The following RABGAP1L variants were observed in gnomAD, a reference collection of about 807,000 sequenced individuals.
RABGAP1L encodes the protein rab GTPase-activating protein 1-like.
RABGAP1L carries 63 observed loss-of-function variants against 137.7 expected under a neutral mutation model. That is an observed-to-expected ratio of 0.46 (90% CI 0.37 to 0.56). The LOEUF is 0.56. Ranked by LOEUF, RABGAP1L falls within the 20% of genes least tolerant of loss-of-function variation. RABGAP1L has a pLI of 0.00. For missense variants in RABGAP1L, 1,095 were observed against 1,244.0 expected (o/e 0.88, Z 1.80); for synonymous variants, 431 against 433.7 (o/e 0.99, Z 0.08).
chr1:174,557,768 G>T (rs948323178), intron 13 of RABGAP1L, among the ~76,000 whole-genome samples: 1 of 152,198 alleles, frequency 6.6e-6, no homozygotes, highest in Admixed American at 6.5e-5. Flanking sequence ...ATTCTTAGGA[G>T]TTAGAGTTTT....
intron 18 of RABGAP1L, among the ~76,000 whole-genome samples, chr1:174,780,095 TAAATAAATAAATAAATA>T (rs1686845458): frequency 6.6e-6 from 1 of 150,400 alleles, no homozygotes; most frequent in Non-Finnish European, 1.5e-5. Context: ...AATAAATAAA[TAAATAAATAAATAAATA>T]AATAAATTAA....
intron 14 of RABGAP1L, among the ~76,000 whole-genome samples, chr1:174,671,661 A>G (rs1557970242): frequency 6.6e-6 from 1 of 151,932 alleles, no homozygotes; most frequent in Admixed American, 6.6e-5. Flanking sequence ...TAATTACTTG[A>G]TTGTGGTTGA....
chr1:174,756,871 C>G, intron 18 of RABGAP1L: 2 of 620,236 alleles, frequency 3.2e-6, no homozygotes, highest in South Asian at 2.8e-5. Context: ...TGTCACACCA[C>G]TCTCGAAGGC....
At chr1:174,203,004 ATTTAATTAGATCCCAC>A in intron 1 of RABGAP1L, among the ~76,000 whole-genome samples, 1 of 152,034 alleles carries the variant, frequency 6.6e-6, no homozygotes, top group African/African-American at 2.4e-5. Context: ...AAGCTCATGA[ATTTAATTAGATCCCAC>A]TTGTCCTTTT....
intron 18 of RABGAP1L, among the ~76,000 whole-genome samples, chr1:174,786,953 A>G (rs570441860): frequency 6.6e-6 from 1 of 152,318 alleles, no homozygotes; most frequent in Admixed American, 6.5e-5. Flanking sequence ...AGGTGCGAAA[A>G]TGAATATGTT....
chr1:174,412,386 C>T (rs1650042625), intron 13 of RABGAP1L, among the ~76,000 whole-genome samples: 1 of 152,104 alleles, frequency 6.6e-6, no homozygotes, highest in East Asian at 1.9e-4. Flanking sequence ...CTCTTGAAGA[C>T]AGCAGATGTA....
At chr1:174,773,513 C>T (rs1686290701) in intron 18 of RABGAP1L, among the ~76,000 whole-genome samples, 1 of 152,224 alleles carries the variant, frequency 6.6e-6, no homozygotes, top group East Asian at 1.9e-4. Flanking sequence ...TGAGTGAAAA[C>T]AGGTTTTTTA....
At chr1:174,838,824 G>A (rs550287243) in intron 19 of RABGAP1L, among the ~76,000 whole-genome samples, 10 of 148,788 alleles carry the variant, frequency 6.7e-5, no homozygotes, top group East Asian at 2.0e-4. Flanking sequence ...AGGCTGAGGC[G>A]GGAGAATGGC....
chr1:174,253,093 A>G (rs144666976), intron 7 of RABGAP1L, among the ~76,000 whole-genome samples: 4 of 152,348 alleles, frequency 2.6e-5, no homozygotes, highest in South Asian at 4.1e-4. Context: ...AATATTCGTA[A>G]TGTAGATGAC....
intron 17 of RABGAP1L, among the ~76,000 whole-genome samples, chr1:174,740,447 G>C (rs1683293913): frequency 6.6e-6 from 1 of 152,042 alleles, no homozygotes; most frequent in Non-Finnish European, 1.5e-5. Flanking sequence ...GCATTTCCTG[G>C]TGTGTCAGTC....
intron 1 of RABGAP1L, among the ~76,000 whole-genome samples, chr1:174,206,713 C>T (rs543083214): frequency 1.9e-4 from 29 of 152,286 alleles, no homozygotes; most frequent in African/African-American, 6.7e-4. Flanking sequence ...ATCACGTGCA[C>T]TGTGATTGCA....
At chr1:174,582,454 G>A (rs1004895438) in intron 13 of RABGAP1L, among the ~76,000 whole-genome samples, 5 of 151,970 alleles carry the variant, frequency 3.3e-5, no homozygotes, top group African/African-American at 1.2e-4. Context: ...AAGAAGAATG[G>A]AGTGGAACCT....
At chr1:174,405,696 G>T (rs1649176848) in intron 13 of RABGAP1L, among the ~76,000 whole-genome samples, 1 of 152,124 alleles carries the variant, frequency 6.6e-6, no homozygotes, top group Admixed American at 6.5e-5. Context: ...ACTAAGAATT[G>T]GCTGGGTGCG....
intron 13 of RABGAP1L, among the ~76,000 whole-genome samples, chr1:174,465,863 A>G (rs536795637): frequency 6.6e-6 from 1 of 152,310 alleles, no homozygotes; most frequent in African/African-American, 2.4e-5. Flanking sequence ...CTCTGTGTAC[A>G]TAGGGAAGTA....
intron 17 of RABGAP1L, among the ~76,000 whole-genome samples, chr1:174,734,954 CTTTTTTTTT>C (rs756783714): frequency 2.1e-5 from 2 of 96,110 alleles, no homozygotes; most frequent in South Asian, 3.1e-4. Flanking sequence ...GGATCTCTCT[CTTTTTTTTT>C]TTTTTTTTTT....
intron 13 of RABGAP1L, among the ~76,000 whole-genome samples, chr1:174,498,816 C>G (rs969366226): frequency 2.6e-5 from 4 of 151,808 alleles, no homozygotes; most frequent in Non-Finnish European, 5.9e-5. Flanking sequence ...TGGCCTGAAA[C>G]AAAATTTTAA....
intron 13 of RABGAP1L, among the ~76,000 whole-genome samples, chr1:174,616,380 A>C (rs908149860): frequency 6.6e-6 from 1 of 152,192 alleles, no homozygotes; most frequent in African/African-American, 2.4e-5. Flanking sequence ...ACATTTTAAA[A>C]CTTGAGTCTG....
chr1:174,680,460 C>T (rs1014378242), intron 14 of RABGAP1L, among the ~76,000 whole-genome samples: 1 of 152,154 alleles, frequency 6.6e-6, no homozygotes, highest in African/African-American at 2.4e-5. Flanking sequence ...ATTTTGTAGC[C>T]TCCAAAACTG....
chr1:174,811,760 A>C lies in RABGAP1L; in HGVS notation c.2212-72A>C, dbSNP rs1689890030. 7 of 1,349,272 alleles carry C rather than the reference A, an allele frequency of 5.2e-6. No homozygotes were observed. In the South Asian group the frequency reaches 1.6e-4, roughly 30 times the overall value. 83.6% of individuals were successfully genotyped at this position (1,349,272 alleles called of 1,614,324 possible). A position where few individuals can be genotyped will look rare whatever the true frequency, so the allele number is the denominator to read the frequency against. Reference sequence around the variant, plus strand: ...TAAAAGTATATTCAAGAAAATATAAATTCTTTTTGAAATATATTTGTCCTC... The same window carrying C: ...TAAAAGTATATTCAAGAAAATATAACTTCTTTTTGAAATATATTTGTCCTC... On this transcript the variant is annotated intron_variant, in intron 18 of 25. Transcript: ENST00000681986.
Sources: gnomAD v4.1 joint callset for allele counts (sites outside exome capture counted in the v4.1 genomes callset) on GRCh38, gnomAD v4.1.1 for gene constraint, MANE v1.5 for transcripts, NCBI Gene and HGNC (gene_info 2026-07-23, HGNC 2026-07-21) for gene names.